The following SLC24A2 variants were observed in gnomAD, a reference collection of about 807,000 sequenced individuals.
SLC24A2 encodes the protein sodium/potassium/calcium exchanger 2.
A neutral mutation model predicts 62.0 loss-of-function variants in SLC24A2; 36 were observed. The observed-to-expected ratio is 0.58, with a 90% CI of 0.44 to 0.77. SLC24A2 has a LOEUF of 0.77. Ranked by LOEUF, SLC24A2 falls within the 30% of genes least tolerant of loss-of-function variation. SLC24A2 has a pLI of 0.00. For synonymous variants in SLC24A2, 358 were observed against 294.0 expected (o/e 1.22, Z -2.23); for missense variants, 846 against 817.9 (o/e 1.03, Z -0.42).
At chr9:19,816,518 T>C in the SLC24A2 span, among the ~76,000 whole-genome samples, 3 of 152,202 alleles carry the variant, frequency 2.0e-5, no homozygotes, top group East Asian at 5.8e-4. Context: ...CTACCTGTAT[T>C]ACACCATGCT....
chr9:19,586,235 C>T (rs117750810), intron 5 of SLC24A2, among the ~76,000 whole-genome samples: 2,396 of 152,298 alleles, frequency 0.016, 20 homozygotes, highest in Non-Finnish European at 0.021. Flanking sequence ...GTTTCACTGA[C>T]GCTCTCCCCA....
the SLC24A2 span, among the ~76,000 whole-genome samples, chr9:19,821,371 T>C: frequency 2.0e-5 from 3 of 152,164 alleles, no homozygotes; most frequent in African/African-American, 7.2e-5. Context: ...TCCCTATTGC[T>C]GTGCATCTTA....
At chr9:19,545,228 T>C (rs769293812) in intron 8 of SLC24A2, among the ~76,000 whole-genome samples, 82 of 152,012 alleles carry the variant, frequency 5.4e-4, no homozygotes, top group South Asian at 1.2e-3. Context: ...CAGCTATTTA[T>C]AGTTGTGTAT....
the SLC24A2 span, among the ~76,000 whole-genome samples, chr9:20,096,077 ATCCATCCATCCGTCCG>A: frequency 2.9e-3 from 418 of 145,908 alleles, 2 homozygotes; most frequent in African/African-American, 0.011. Flanking sequence ...GTATCCATCC[ATCCATCCATCCGTCCG>A]TCCGTCCGTC....
chr9:19,822,107 G>T, the SLC24A2 span, among the ~76,000 whole-genome samples: 1 of 152,086 alleles, frequency 6.6e-6, no homozygotes, highest in Admixed American at 6.6e-5. Context: ...ATTGTGTGCT[G>T]GAAGTTGTAC....
chr9:20,182,627 G>A, the SLC24A2 span, among the ~76,000 whole-genome samples: 1 of 152,244 alleles, frequency 6.6e-6, no homozygotes, highest in South Asian at 2.1e-4. Flanking sequence ...ACACACCAGG[G>A]CCTGTCGGGG....
At chr9:19,738,350 G>T (rs2118752391) in intron 2 of SLC24A2, among the ~76,000 whole-genome samples, 1 of 152,208 alleles carries the variant, frequency 6.6e-6, no homozygotes, top group South Asian at 2.1e-4. Flanking sequence ...TCTGGAGTGG[G>T]GGCTGGATGA....
chr9:20,022,693 C>T, the SLC24A2 span, among the ~76,000 whole-genome samples: 1,843 of 152,318 alleles, frequency 0.012, 37 homozygotes, highest in Middle Eastern at 0.058. Context: ...AGTGCAAGAA[C>T]ATGAGGGCAA....
the SLC24A2 span, among the ~76,000 whole-genome samples, chr9:19,841,358 G>A: frequency 6.6e-6 from 1 of 152,264 alleles, no homozygotes; most frequent in African/African-American, 2.4e-5. Flanking sequence ...AAGACCTGAA[G>A]GAGATGAGGG....
At chr9:19,957,084 A>G in the SLC24A2 span, among the ~76,000 whole-genome samples, 1 of 152,348 alleles carries the variant, frequency 6.6e-6, no homozygotes, top group African/African-American at 2.4e-5. Context: ...CATTTACCTA[A>G]TAAGCAGTGA....
chr9:20,303,597 A>G, the SLC24A2 span, among the ~76,000 whole-genome samples: 1 of 152,170 alleles, frequency 6.6e-6, no homozygotes, highest in African/African-American at 2.4e-5. Flanking sequence ...GAGGTTTGCC[A>G]AAACAATCAA....
rs148719814 is a variant in SLC24A2 at position 19,722,724 on chromosome 9, T to A, written c.930+63213A>T. Among the ~76,000 whole-genome samples, 24 of 151,326 alleles carry A rather than the reference T, an allele frequency of 1.6e-4. No homozygotes were observed. In the East Asian group the frequency reaches 2.5e-3, roughly 16 times the overall value. The stretch of plus-strand genomic sequence containing the variant: ...ACTAACTTTTAACTTGAAGAGCCTA[T>A]GCAACGGAAATTCCAGTGTCAGCAT... On this transcript the variant is annotated intron_variant, in intron 2 of 10. Coordinates refer to ENST00000341998, the MANE Select transcript of SLC24A2 (RefSeq NM_020344.4).
At chr9:19,915,451 G>A in the SLC24A2 span, among the ~76,000 whole-genome samples, 1 of 152,006 alleles carries the variant, frequency 6.6e-6, no homozygotes, top group Non-Finnish European at 1.5e-5. Flanking sequence ...CATATACCTA[G>A]GTATAGAATT....
chr9:20,193,086 C>T, the SLC24A2 span, among the ~76,000 whole-genome samples: 1 of 152,126 alleles, frequency 6.6e-6, no homozygotes, highest in South Asian at 2.1e-4. Flanking sequence ...GTAGCAAGAT[C>T]CCTGCTCTAG....
At chr9:20,165,707 A>G in the SLC24A2 span, among the ~76,000 whole-genome samples, 1 of 151,914 alleles carries the variant, frequency 6.6e-6, no homozygotes, top group African/African-American at 2.4e-5. Context: ...AACCTAATTA[A>G]TGTGTCTATA....
chr9:20,269,257 T>G, the SLC24A2 span, among the ~76,000 whole-genome samples: 1 of 152,116 alleles, frequency 6.6e-6, no homozygotes, highest in Non-Finnish European at 1.5e-5. Flanking sequence ...TTTCCAGTAC[T>G]CTGGAGGGCA....
At chr9:19,953,935 T>C in the SLC24A2 span, among the ~76,000 whole-genome samples, 2 of 151,982 alleles carry the variant, frequency 1.3e-5, no homozygotes, top group Admixed American at 1.3e-4. Context: ...GTTTTCACAC[T>C]GTCCTATTGA....
At chr9:19,609,182 C>T (rs1199545765) in intron 4 of SLC24A2, among the ~76,000 whole-genome samples, 1 of 152,260 alleles carries the variant, frequency 6.6e-6, no homozygotes, top group Non-Finnish European at 1.5e-5. Context: ...TGCCAGAAGG[C>T]CACTTACATG....
the SLC24A2 span, among the ~76,000 whole-genome samples, chr9:20,062,507 C>T: frequency 8.7e-6 from 1 of 114,564 alleles, no homozygotes; most frequent in Non-Finnish European, 1.7e-5. Flanking sequence ...GGATTAAAGA[C>T]TTAAACGTTA....
Sources: gnomAD v4.1 joint callset for allele counts (sites outside exome capture counted in the v4.1 genomes callset) on GRCh38, gnomAD v4.1.1 for gene constraint, MANE v1.5 for transcripts, NCBI Gene and HGNC (gene_info 2026-07-23, HGNC 2026-07-21) for gene names.